SURF4: variants seen among roughly 807,000 people sequenced by gnomAD.
SURF4 encodes the protein surfeit locus protein 4.
SURF4 carries 3 observed loss-of-function variants against 30.0 expected under a neutral mutation model. That is an observed-to-expected ratio of 0.10 (90% CI 0.05 to 0.26). The LOEUF is 0.26. Ranked by LOEUF, SURF4 falls within the 10% of genes least tolerant of loss-of-function variation. The pLI is 1.00. For synonymous variants in SURF4, 143 were observed against 139.9 expected (o/e 1.02, Z -0.16); for missense variants, 217 against 350.8 (o/e 0.62, Z 3.05).
intron 1 of SURF4, chr9:133,370,777 G>A: frequency 4.2e-6 from 4 of 943,162 alleles, no homozygotes; most frequent in Non-Finnish European, 5.9e-6. Context: ...CATAAAACTT[G>A]TGACAGTCCC....
chr9:133,366,574 A>G (rs2130127653), intron 3 of SURF4, 25 bp downstream of exon 3: 1 of 1,612,834 alleles, frequency 6.2e-7, no homozygotes, highest in South Asian at 1.1e-5. Context: ...AAGAGAAGGG[A>G]GCCCCGACCA....
intron 5 of SURF4, among the ~76,000 whole-genome samples, chr9:133,364,162 T>A (rs2130099287): frequency 1.4e-4 from 21 of 152,008 alleles, no homozygotes; most frequent in Non-Finnish European, 2.9e-4. Flanking sequence ...GCTCCGGAGG[T>A]GTGCTCTGGA....
upstream of SURF4, chr9:133,376,386 T>A (rs1837944388): frequency 7.0e-7 from 1 of 1,424,692 alleles, no homozygotes; most frequent in Non-Finnish European, 9.2e-7. Flanking sequence ...AGGGCGCCGT[T>A]CGGGCGGGGA....
At chr9:133,376,222 G>A (rs1271838383), upstream of SURF4, 33 of 1,280,888 alleles carry the variant, frequency 2.6e-5, no homozygotes, top group East Asian at 2.9e-4. Flanking sequence ...AGCCACGCCC[G>A]CCGCGCTCGA....
At position 133,367,286 on chromosome 9, in the gene SURF4, C is replaced by T. The variant is rs1038101041; in HGVS notation, c.208G>A (p.Val70Ile). 18 of 1,614,196 alleles carry T rather than the reference C, an allele frequency of 1.1e-5. No homozygotes were observed. Among genetic ancestry groups the T allele is most frequent in the East Asian group, 2.2e-5 (1 of 44,884 alleles). The change falls in exon 2 of 6, where the codon GTC (valine) becomes ATC (isoleucine). Residue 70 changes from valine to isoleucine, a missense_variant. Val to Ile is a conservative substitution (Grantham distance 29). Transcript: ENST00000371989. ...NCGYLLASSF[V>I]FLNLLGQLTG... ...AGCTGTCCCAGCAAGTTGAGGAAGA[C>T]GAAGGACGAGGCCAGCAGGTAGCCG...
At chr9:133,376,424 CGGGGTGGGGCCA>C, upstream of SURF4, 1 of 1,501,546 alleles carries the variant, frequency 6.7e-7, no homozygotes, top group Non-Finnish European at 8.9e-7. Context: ...CTGACCCACG[CGGGGTGGGGCCA>C]GGGGTGGACG....
At chr9:133,375,499 C>T in intron 1 of SURF4, 1 of 852,746 alleles carries the variant, frequency 1.2e-6, no homozygotes, top group Non-Finnish European at 1.4e-6. Flanking sequence ...CCCGAGCTCC[C>T]AGCCCGCCTC....
intron 1 of SURF4, among the ~76,000 whole-genome samples, chr9:133,367,800 A>C (rs1837269031): frequency 6.6e-6 from 1 of 152,266 alleles, no homozygotes; most frequent in Admixed American, 6.5e-5. Flanking sequence ...CACTGCCACA[A>C]GACACAGAGC....
At chr9:133,368,094 C>A (rs1322913344) in intron 1 of SURF4, among the ~76,000 whole-genome samples, 1 of 152,228 alleles carries the variant, frequency 6.6e-6, no homozygotes, top group Non-Finnish European at 1.5e-5. Context: ...TATATTAAAC[C>A]CAGCGGGAAG....
chr9:133,376,058 A>T lies in SURF4; in HGVS notation c.-89T>A, dbSNP rs2130244659. 6.6e-6 allele frequency: 8 copies of T among 1,207,716 alleles called. No homozygotes were observed. In the South Asian group the frequency reaches 3.3e-4, roughly 50 times the overall value. 74.8% of individuals were successfully genotyped at this position (1,207,716 alleles called of 1,614,324 possible). A position where few individuals can be genotyped will look rare whatever the true frequency, so the allele number is the denominator to read the frequency against. On this transcript the variant is annotated 5_prime_UTR_variant, in exon 1 of 6. Transcript: ENST00000371989. ...CGCACCCGCTGCGGCCTCCACAGGAAGTGCCCGGCGGCCGGCCTCGCTCCG... is the reference window on the plus strand; with the variant it reads ...CGCACCCGCTGCGGCCTCCACAGGATGTGCCCGGCGGCCGGCCTCGCTCCG...
intron 1 of SURF4, among the ~76,000 whole-genome samples, chr9:133,369,181 C>A (rs1837359717): frequency 6.6e-6 from 1 of 152,120 alleles, no homozygotes; most frequent in Admixed American, 6.5e-5. Context: ...AGCCAGGTGG[C>A]CATTCTCCCC....
At chr9:133,371,734 C>T (rs1837519369) in intron 1 of SURF4, among the ~76,000 whole-genome samples, 1 of 152,232 alleles carries the variant, frequency 6.6e-6, no homozygotes, top group South Asian at 2.1e-4. Context: ...CAGGACTTTG[C>T]CACACCAGTC....
At chr9:133,372,973 G>A (rs1316292285) in intron 1 of SURF4, among the ~76,000 whole-genome samples, 2 of 152,192 alleles carry the variant, frequency 1.3e-5, no homozygotes, top group Non-Finnish European at 2.9e-5. Flanking sequence ...CCACCTAGAC[G>A]GACTCTTAAG....
chr9:133,376,360 A>T, upstream of SURF4: 2 of 1,385,894 alleles, frequency 1.4e-6, no homozygotes, highest in Admixed American at 7.3e-5. Flanking sequence ...CGCGGGAGGG[A>T]CGCCTGAGTG....
intron 1 of SURF4, chr9:133,375,426 G>A (rs1447270302): frequency 1.0e-6 from 1 of 985,926 alleles, no homozygotes; most frequent in Non-Finnish European, 1.2e-6. Flanking sequence ...GTGGCTTCCT[G>A]TAGCTGGGGC....
chr9:133,376,048 C>T lies in SURF4; in HGVS notation c.-79G>A. ...CGTCGGCGCCCGCACCCGCTGCGGC[C>T]TCCACAGGAAGTGCCCGGCGGCCGG... On this transcript the variant is annotated 5_prime_UTR_variant, in exon 1 of 6. Transcript: ENST00000371989. The T allele has an allele frequency of 8.3e-7, 1 of 1,212,076 alleles. No homozygotes were observed. Among genetic ancestry groups the T allele is most frequent in the Non-Finnish European group, 1.0e-6 (1 of 974,514 alleles). 75.1% of individuals were successfully genotyped at this position (1,212,076 alleles called of 1,614,324 possible).
intron 1 of SURF4, chr9:133,375,339 G>A (rs2130235232): frequency 1.6e-5 from 16 of 981,994 alleles, no homozygotes; most frequent in Middle Eastern, 5.2e-4. Context: ...GAGTCCAAAC[G>A]GGGAGGGAGA....
At chr9:133,365,609 T>C (rs1358300581) in intron 4 of SURF4, among the ~76,000 whole-genome samples, 2 of 152,166 alleles carry the variant, frequency 1.3e-5, no homozygotes, top group Non-Finnish European at 2.9e-5. Context: ...AAACTCTCAA[T>C]GTTTTAAGAA....
At chr9:133,368,293 T>A (rs1389474329) in intron 1 of SURF4, among the ~76,000 whole-genome samples, 3 of 152,324 alleles carry the variant, frequency 2.0e-5, no homozygotes, top group African/African-American at 7.2e-5. Context: ...GCCACATGGT[T>A]GACTGAATAG....
Sources: allele counts gnomAD v4.1 joint callset (sites outside exome capture counted in the v4.1 genomes callset), GRCh38; gene constraint gnomAD v4.1.1; transcripts MANE v1.5; gene names NCBI Gene and HGNC (gene_info 2026-07-23, HGNC 2026-07-21).